Variants in TENM1 observed in about 807,000 individuals in gnomAD.
TENM1 encodes teneurin transmembrane protein 1, also known as teneurin-1.
In TENM1, 35 loss-of-function variants were observed where a neutral mutation model predicts 174.8. The ratio of observed to expected loss-of-function variants is 0.20; its 90% confidence interval spans 0.15 to 0.27. The LOEUF (loss-of-function observed/expected upper bound fraction) is 0.27. TENM1 is among the 10% of genes least tolerant of loss of function. The pLI is 1.00. For missense variants in TENM1, 1,633 were observed against 2,130.1 expected, an observed-to-expected ratio of 0.77 and a Z score of 4.59; for synonymous variants, 781 against 798.7, an observed-to-expected ratio of 0.98 and a Z score of 0.37.
At chrX:124,614,760 G>A (rs2050359189) in intron 11 of TENM1, among the ~76,000 whole-genome samples, 1 of 112,332 alleles carries the variant, frequency 8.9e-6, no homozygotes, top group African/African-American at 3.2e-5. Context: ...GTGCATGTCT[G>A]TAGTCCCAGC....
chrX:124,791,624 G>T (rs181155222), intron 3 of TENM1, among the ~76,000 whole-genome samples: 1 of 111,395 alleles, frequency 9.0e-6, no homozygotes, highest in African/African-American at 3.3e-5. Flanking sequence ...GAGCAGAAAG[G>T]ACCTGATAAT....
the TENM1 span, among the ~76,000 whole-genome samples, chrX:125,138,833 C>T: frequency 9.0e-6 from 1 of 110,526 alleles, no homozygotes; most frequent in South Asian, 3.9e-4. Context: ...GATAATTATT[C>T]ATTTTGAATG....
intron 11 of TENM1, among the ~76,000 whole-genome samples, chrX:124,630,771 G>A (rs934525263): frequency 3.6e-5 from 4 of 111,288 alleles, no homozygotes; most frequent in Middle Eastern, 4.2e-3. Flanking sequence ...AAGAAAATGC[G>A]TGTTGCAGAG....
At chrX:124,771,155 T>G (rs1333683172) in intron 3 of TENM1, among the ~76,000 whole-genome samples, 3 of 112,575 alleles carry the variant, frequency 2.7e-5, no homozygotes, top group Non-Finnish European at 5.6e-5. Context: ...TTTACTGGCA[T>G]GGGTGAGTGA....
chrX:125,138,673 C>G, the TENM1 span, among the ~76,000 whole-genome samples: 14 of 110,587 alleles, frequency 1.3e-4, no homozygotes, highest in Non-Finnish European at 2.3e-4. Flanking sequence ...GAAACAGTGA[C>G]TGGAAGCAGG....
the TENM1 span, among the ~76,000 whole-genome samples, chrX:125,187,523 G>T: frequency 1.8e-5 from 2 of 111,154 alleles, no homozygotes; most frequent in Admixed American, 1.9e-4. Context: ...AATAAATCAA[G>T]GATTTATTTA....
chrX:124,987,903 C>T, the TENM1 span, among the ~76,000 whole-genome samples: 1 of 111,185 alleles, frequency 9.0e-6, no homozygotes, highest in Admixed American at 9.7e-5. Context: ...TACATTGATA[C>T]CTGGTTCTTA....
At chrX:124,641,934 T>C (rs192464761) in exon 11 of TENM1, 6 of 1,209,761 alleles carry the variant, frequency 5.0e-6, no homozygotes, top group African/African-American at 1.7e-5. Context: ...AGTAGAACAG[T>C]GACATTCTCC....
intron 18 of TENM1, among the ~76,000 whole-genome samples, chrX:124,511,841 C>T (rs2047591903): frequency 9.0e-6 from 1 of 111,610 alleles, no homozygotes; most frequent in African/African-American, 3.3e-5. Context: ...AGCTTAGCAC[C>T]TATTACTATT....
chrX:124,789,707 G>A lies in TENM1; in HGVS notation c.536-52510C>T, dbSNP rs779247233. On this transcript the variant is annotated intron_variant, in intron 3 of 31. Transcript: ENST00000422452. ...TCTCCATCTGAGACCACCTCAGCCT[G>A]GATTTCATTGTCCATATCATTATTA... 1.7e-3 allele frequency among the ~76,000 whole-genome samples: 192 copies of A among 111,279 alleles called. 2 individuals carry two copies. The highest frequency in any genetic ancestry group is 5.9e-3 in the African/African-American group (180 of 30,585).
At chrX:124,381,085 G>T (rs2060151920) in exon 32 of TENM1, 2 of 1,209,898 alleles carry the variant, frequency 1.7e-6, no homozygotes, top group Non-Finnish European at 1.1e-6. Flanking sequence ...TATCTTCATT[G>T]GCTACTCCTA....
intron 4 of TENM1, among the ~76,000 whole-genome samples, chrX:124,729,905 G>A (rs146308101): frequency 0.011 from 1,187 of 111,518 alleles, 5 homozygotes; most frequent in Middle Eastern, 0.018. Context: ...TGCCCAGGCT[G>A]GAGTGCAGTG....
intron 27 of TENM1, among the ~76,000 whole-genome samples, chrX:124,394,365 C>T (rs2060311877): frequency 8.9e-6 from 1 of 111,807 alleles, no homozygotes; most frequent in South Asian, 3.7e-4. Flanking sequence ...TTTTAATATA[C>T]TCTTAGGGGG....
At chrX:124,725,997 G>A (rs1011978680) in intron 4 of TENM1, among the ~76,000 whole-genome samples, 4 of 111,769 alleles carry the variant, frequency 3.6e-5, no homozygotes, top group Non-Finnish European at 3.8e-5. Flanking sequence ...AAATATAGTC[G>A]GTATAGGGAA....
At chrX:124,984,317 T>C in the TENM1 span, among the ~76,000 whole-genome samples, 8,089 of 112,130 alleles carry the variant, frequency 0.072, 681 homozygotes, top group African/African-American at 0.24. Flanking sequence ...TTTCTAGATG[T>C]CTACCTGTCA....
chrX:125,029,399 G>C, the TENM1 span, among the ~76,000 whole-genome samples: 2 of 110,928 alleles, frequency 1.8e-5, no homozygotes, highest in African/African-American at 6.6e-5. Flanking sequence ...CCATCTCTTC[G>C]CATCTCTTGT....
At chrX:124,952,488 T>C (rs2058506438) in intron 1 of TENM1, among the ~76,000 whole-genome samples, 2 of 111,082 alleles carry the variant, frequency 1.8e-5, no homozygotes, top group African/African-American at 6.5e-5. Context: ...GATTACTTTT[T>C]TCAAGTCAGT....
chrX:124,685,561 G>GTTT (rs201481902), intron 5 of TENM1, among the ~76,000 whole-genome samples: 1 of 94,482 alleles, frequency 1.1e-5, no homozygotes, highest in African/African-American at 4.0e-5. Flanking sequence ...AAGCAAATCT[G>GTTT]TTTTTTTTTT....
chrX:124,492,806 G>T (rs1456954356), intron 20 of TENM1, among the ~76,000 whole-genome samples: 1 of 110,303 alleles, frequency 9.1e-6, no homozygotes, highest in Non-Finnish European at 1.9e-5. Context: ...ACTGGTTGCT[G>T]GTGGGGCAGT....
Sources: gnomAD v4.1 joint callset for allele counts (sites outside exome capture counted in the v4.1 genomes callset) on GRCh38, gnomAD v4.1.1 for gene constraint, MANE v1.5 for transcripts, NCBI Gene and HGNC (gene_info 2026-07-23, HGNC 2026-07-21) for gene names.